FMN1: variants seen among roughly 807,000 people sequenced by gnomAD.
The protein encoded by FMN1 is formin 1.
In FMN1, 110 loss-of-function variants were observed where a neutral mutation model predicts 132.4. The observed-to-expected ratio is 0.83, with a 90% CI of 0.71 to 0.97. The LOEUF (loss-of-function observed/expected upper bound fraction) is 0.97. Ranked by LOEUF, FMN1 falls within the 50% of genes least tolerant of loss-of-function variation. FMN1 has a pLI of 0.00. For synonymous variants in FMN1, 722 were observed against 651.7 expected, an observed-to-expected ratio of 1.11 and a Z score of -1.64; for missense variants, 1,792 against 1,705.3, an observed-to-expected ratio of 1.05 and a Z score of -0.90.
intron 6 of FMN1, among the ~76,000 whole-genome samples, chr15:33,015,565 G>A (rs1399769786): frequency 6.6e-6 from 1 of 152,172 alleles, no homozygotes; most frequent in Non-Finnish European, 1.5e-5. Context: ...CAGTTAGGAA[G>A]TAGAAACTTT....
At chr15:33,175,466 C>G in intron 3 of FMN1, among the ~76,000 whole-genome samples, 1 of 152,182 alleles carries the variant, frequency 6.6e-6, no homozygotes, top group East Asian at 1.9e-4. Flanking sequence ...AACCTCCTCA[C>G]TCTTCTAAGT....
chr15:33,184,426 T>G (rs1012703176), intron 2 of FMN1, among the ~76,000 whole-genome samples: 2 of 152,156 alleles, frequency 1.3e-5, no homozygotes, highest in Non-Finnish European at 2.9e-5. Flanking sequence ...ATTTCAAAAA[T>G]GATTTTAAAA....
At chr15:33,184,563 GCA>G (rs1965814006) in intron 2 of FMN1, among the ~76,000 whole-genome samples, 1 of 150,878 alleles carries the variant, frequency 6.6e-6, no homozygotes, top group Non-Finnish European at 1.5e-5. Flanking sequence ...AAATGCAGTG[GCA>G]CAGTCTCAGC....
intron 17 of FMN1, among the ~76,000 whole-genome samples, chr15:32,818,492 C>A (rs2058117078): frequency 6.6e-6 from 1 of 152,034 alleles, no homozygotes; most frequent in Admixed American, 6.6e-5. Flanking sequence ...AGATTTTTAT[C>A]TTTTGATTTA....
chr15:33,147,161 G>A (rs1420280666), intron 4 of FMN1, among the ~76,000 whole-genome samples: 1 of 139,246 alleles, frequency 7.2e-6, no homozygotes, highest in Non-Finnish European at 1.5e-5. Context: ...GCGAGACTCC[G>A]TCTCAAAAAA....
At chr15:33,012,954 C>T in intron 6 of FMN1, 1 of 476,264 alleles carries the variant, frequency 2.1e-6, no homozygotes, top group Non-Finnish European at 4.1e-6. Flanking sequence ...AGGGAAAAAA[C>T]TTTGGAGGCA....
chr15:33,022,429 G>C (rs2035460196), intron 6 of FMN1, among the ~76,000 whole-genome samples: 2 of 152,122 alleles, frequency 1.3e-5, no homozygotes, highest in South Asian at 4.1e-4. Flanking sequence ...GACTAGTATG[G>C]ATATGGTAAC....
At chr15:33,173,789 C>T (rs1485040591) in intron 3 of FMN1, among the ~76,000 whole-genome samples, 1 of 152,072 alleles carries the variant, frequency 6.6e-6, no homozygotes, top group Non-Finnish European at 1.5e-5. Context: ...ATTAGCCAGG[C>T]GTGGTGGCAG....
Position 32,809,323 on chromosome 15 carries a change from C to T in FMN1, c.3929-4991G>A, listed in dbSNP as rs189108083. ...ATGGTGACCTGTAACAGGTTCCCCTCATTGCACAGTAAATTCAATTCTCTT... is the reference window on the plus strand; with the variant it reads ...ATGGTGACCTGTAACAGGTTCCCCTTATTGCACAGTAAATTCAATTCTCTT... On this transcript the variant is annotated intron_variant, in intron 17 of 20. Coordinates refer to ENST00000616417, the MANE Select transcript of FMN1 (RefSeq NM_001277313.2). 3.7e-3 allele frequency among the ~76,000 whole-genome samples: 563 copies of T among 152,316 alleles called. 4 individuals are homozygous for T. The highest frequency in any genetic ancestry group is 6.1e-3 in the Non-Finnish European group (414 of 68,024).
intron 16 of FMN1, among the ~76,000 whole-genome samples, chr15:32,878,412 G>T (rs983912171): frequency 6.6e-6 from 1 of 152,198 alleles, no homozygotes; most frequent in African/African-American, 2.4e-5. Context: ...GACCAAGAGT[G>T]GAAGCAGAGA....
Position 33,154,534 on chromosome 15 carries a change from G to C in FMN1, c.381C>G (p.Ala127=). The C allele has an allele frequency of 6.5e-7, 1 of 1,536,066 alleles. No individual in the cohort carries two copies. The highest frequency in any genetic ancestry group is 2.4e-5 in the East Asian group (1 of 40,896). ...GKLQELSVSL[A]PEDDCFQSAG... is the part of the protein sequence containing the mutation. Reference sequence around the variant, plus strand: ...CACTCTGGAAACAGTCATCCTCGGGGGCCAGGCTCACGGACAGCTCTTGCA... The same window carrying C: ...CACTCTGGAAACAGTCATCCTCGGGCGCCAGGCTCACGGACAGCTCTTGCA... Residue 127 remains alanine, a synonymous_variant, in exon 4 of 21, where the codon GCC becomes GCG. Transcript: ENST00000616417.
At chr15:33,167,157 T>C (rs563777827) in intron 3 of FMN1, among the ~76,000 whole-genome samples, 2 of 152,320 alleles carry the variant, frequency 1.3e-5, no homozygotes, top group Middle Eastern at 6.8e-3. Context: ...AAATCTCACC[T>C]TGAATTGTAA....
At chr15:32,923,865 T>C (rs2060891700) in intron 10 of FMN1, among the ~76,000 whole-genome samples, 1 of 152,178 alleles carries the variant, frequency 6.6e-6, no homozygotes, top group South Asian at 2.1e-4. Flanking sequence ...TAAGGTTATA[T>C]GGACATTGTG....
At chr15:32,920,040 A>C (rs1181552531) in intron 10 of FMN1, among the ~76,000 whole-genome samples, 2 of 152,190 alleles carry the variant, frequency 1.3e-5, no homozygotes, top group African/African-American at 4.8e-5. Context: ...TTTTATCTTG[A>C]TGTTATTTAA....
In FMN1 at chr15:33,152,956, T is replaced by C. The variant is rs771093683; in HGVS notation, c.1867+92A>G. ...AATAGGCCTAGGAATTTTGGTCCAT[T>C]GTTAATCAGTCAGTTTCTAAGTAGC... On this transcript the variant is annotated intron_variant, in intron 4 of 20. Coordinates refer to ENST00000616417, the MANE Select transcript of FMN1 (RefSeq NM_001277313.2). 1.1e-5 allele frequency: 14 copies of C among 1,318,890 alleles called. No homozygotes were observed. In the South Asian group the frequency reaches 1.1e-4, roughly 10 times the overall value. 81.7% of individuals were successfully genotyped at this position (1,318,890 alleles called of 1,614,324 possible).
chr15:33,154,024 T>G lies in FMN1; in HGVS notation c.891A>C (p.Glu297Asp). The G allele has an allele frequency of 6.5e-7, 1 of 1,536,348 alleles. No homozygotes were observed. Among genetic ancestry groups the G allele is most frequent in the Non-Finnish European group, 8.7e-7 (1 of 1,146,884 alleles). ...GLEHQQTGLSESHQDPEKHPE... is the reference protein window; with the variant it reads ...GLEHQQTGLSDSHQDPEKHPE... ...GATGCTTCTCAGGGTCCTGGTGACTTTCAGACAAACCTGTTTGCTGATGCT... is the reference window on the plus strand; with the variant it reads ...GATGCTTCTCAGGGTCCTGGTGACTGTCAGACAAACCTGTTTGCTGATGCT... The change falls in exon 4 of 21, where the codon GAA becomes GAC. Residue 297 changes from glutamate (E) to aspartate (D), a missense_variant. By Grantham distance (45) the Glu-to-Asp change is conservative. Transcript: ENST00000616417.
At chr15:33,015,823 C>T (rs1236642043) in intron 6 of FMN1, among the ~76,000 whole-genome samples, 1 of 152,182 alleles carries the variant, frequency 6.6e-6, no homozygotes, top group African/African-American at 2.4e-5. Context: ...TTTATTTTGA[C>T]AGTTAAATGT....
rs1047767428 is a variant in FMN1 at position 33,118,373 on chromosome 15, G to A, written c.1868-29399C>T. ...ACAAAAATTCTCAGGGGCATACTAAGAAGTCCATCTAAATGATTAGAACAA... is the reference window on the plus strand; with the variant it reads ...ACAAAAATTCTCAGGGGCATACTAAAAAGTCCATCTAAATGATTAGAACAA... On this transcript the variant is annotated intron_variant, in intron 4 of 20. Transcript: ENST00000616417. 2.0e-5 allele frequency among the ~76,000 whole-genome samples: 3 copies of A among 151,836 alleles called. No individual in the cohort carries two copies. In the East Asian group the frequency reaches 5.8e-4, roughly 29 times the overall value.
At chr15:32,782,427 G>C (rs772434326) in intron 19 of FMN1, among the ~76,000 whole-genome samples, 2 of 152,192 alleles carry the variant, frequency 1.3e-5, no homozygotes, top group Non-Finnish European at 2.9e-5. Context: ...TCCAGTTACT[G>C]ATTAGCTGAT....
Sources: gnomAD v4.1 joint callset for allele counts (sites outside exome capture counted in the v4.1 genomes callset) on GRCh38, gnomAD v4.1.1 for gene constraint, MANE v1.5 for transcripts, NCBI Gene and HGNC (gene_info 2026-07-23, HGNC 2026-07-21) for gene names.